The following WBP2 variants were observed in gnomAD, a reference collection of about 807,000 sequenced individuals.
WBP2 encodes the protein WW domain binding protein 2.
Under a neutral mutation model 33.0 loss-of-function variants are expected in WBP2, and 23 were observed. That is an observed-to-expected ratio of 0.70 (90% CI 0.50 to 0.99). The LOEUF (loss-of-function observed/expected upper bound fraction) is 0.99. Among genes scored for constraint, WBP2 ranks in the 50% least tolerant of loss-of-function variants. WBP2 has a pLI of 0.00. For missense variants in WBP2, 353 were observed against 358.0 expected (o/e 0.99, Z 0.11); for synonymous variants, 153 against 133.5 (o/e 1.15, Z -1.01).
chr17:75,855,256 G>T lies in WBP2; in HGVS notation c.42C>A (p.Ile14=). The T allele has an allele frequency of 6.2e-7, 1 of 1,609,222 alleles. No individual in the cohort carries two copies. ...GTTTTCACCTCTCGGTGTTATTGAC[G>T]ATCACTCCGCCGCCCTCCGAGTGAT... The part of the protein sequence containing the change: ...NKNHSEGGGV[I]VNNTESILMS... The change falls in exon 1 of 8, where the codon ATC becomes ATA. Residue 14 remains isoleucine, a synonymous_variant. Coordinates refer to ENST00000254806, the MANE Select transcript of WBP2 (RefSeq NM_012478.4).
chr17:75,852,790 T>C, intron 1 of WBP2: 1 of 985,262 alleles, frequency 1.0e-6, no homozygotes, highest in Non-Finnish European at 1.2e-6. Context: ...TTGTGATAGA[T>C]GTTCTGTTTT....
chr17:75,852,690 C>T (rs1303879736), intron 1 of WBP2: 4 of 514,636 alleles, frequency 7.8e-6, no homozygotes, highest in African/African-American at 2.1e-5. Context: ...CTCCTGACTT[C>T]GTGATCCACC....
intron 1 of WBP2, 166 bp downstream of exon 1, chr17:75,855,073 C>T (rs900863822): frequency 8.0e-6 from 3 of 373,778 alleles, no homozygotes; most frequent in Admixed American, 6.7e-5. Flanking sequence ...GGCTCTCCCC[C>T]ACGGCCCACC....
At chr17:75,847,457 G>C (rs771710452) in intron 6 of WBP2, 30 bp downstream of exon 6, 14 of 1,580,202 alleles carry the variant, frequency 8.9e-6, no homozygotes, top group Non-Finnish European at 1.1e-5. Flanking sequence ...GGCTGGTCCC[G>C]AAGGGCTGCC....
Position 75,847,899 on chromosome 17 carries a change from A to T in WBP2, c.429T>A (p.Tyr143Ter). 1 of 1,561,248 alleles carries T rather than the reference A, an allele frequency of 6.4e-7. No individual in the cohort carries two copies. Among genetic ancestry groups the T allele is most frequent in the Non-Finnish European group, 8.7e-7 (1 of 1,152,608 alleles). The change falls in exon 5 of 8, where the codon TAT (tyrosine) becomes TAA (stop). Residue 143 changes from tyrosine to a stop codon, truncating the protein, a stop_gained. Transcript: ENST00000254806. LOFTEE classifies it high-confidence loss of function. ...CCCCGCTGGGCATGTAAGAGTAGCC[A>T]TAGGCTCCACTGGGGACTTCACCTC... Reference protein sequence around the residue: ...ASRGEVPSGAYGYSYMPSGAY... With the variant: ...ASRGEVPSGA
In WBP2 at chr17:75,849,627, C is replaced by T. The variant is rs2065015792; in HGVS notation, c.281G>A (p.Gly94Glu). 1 of 1,614,010 alleles carries T rather than the reference C, an allele frequency of 6.2e-7. No homozygotes were observed. Among genetic ancestry groups the T allele is most frequent in the African/African-American group, 1.3e-5 (1 of 74,928 alleles). ...ACCTCCCGCTTCCGCCTTCACTGTT[C>T]CCTTGATGTAGTTTGCACCAAATAC... Reference protein sequence around the residue: ...QPVFGANYIKGTVKAEAGGGW... With the variant: ...QPVFGANYIKETVKAEAGGGW... The change falls in exon 3 of 8, where the codon GGA becomes GAA. Residue 94 changes from glycine to glutamate, a missense_variant. Physicochemically the swap from Gly to Glu is moderately conservative, Grantham distance 98. Coordinates refer to ENST00000254806, the MANE Select transcript of WBP2 (RefSeq NM_012478.4).
At chr17:75,853,604 C>G (rs757325887) in intron 1 of WBP2, among the ~76,000 whole-genome samples, 9 of 152,132 alleles carry the variant, frequency 5.9e-5, no homozygotes, top group Non-Finnish European at 1.2e-4. Context: ...TGGGAACTGA[C>G]TCACACACAG....
At chr17:75,851,773 T>A in intron 1 of WBP2, 97 bp from the exon 2 acceptor site, 1 of 872,942 alleles carries the variant, frequency 1.1e-6, no homozygotes, top group Non-Finnish European at 1.9e-6. Flanking sequence ...GCCCGGCACG[T>A]CAGCTCTCAT....
At chr17:75,848,476 T>G in intron 4 of WBP2, 94 bp downstream of exon 4, 1 of 1,236,762 alleles carries the variant, frequency 8.1e-7, no homozygotes, top group Non-Finnish European at 1.2e-6. Context: ...ACCTCTTGAG[T>G]TCTTGAAAAA....
chr17:75,850,535 G>A (rs1376547601), intron 2 of WBP2, among the ~76,000 whole-genome samples: 2 of 152,056 alleles, frequency 1.3e-5, no homozygotes, highest in Non-Finnish European at 2.9e-5. Flanking sequence ...ATGAGCCACC[G>A]CACCCGGCCC....
Position 75,847,916 on chromosome 17 carries a change from C to G in WBP2, c.412G>C (p.Val138Leu). ...GAGTAGCCATAGGCTCCACTGGGGA[C>G]TTCACCTCTGGAGGCTACGAGTACA... ...QVASQASRGE[V>L]PSGAYGYSYM... Residue 138 changes from valine to leucine, a missense_variant, in exon 5 of 8, where the codon GTC becomes CTC. Val to Leu is a conservative substitution (Grantham distance 32, BLOSUM62 1). Transcript: ENST00000254806. 2 of 1,564,086 alleles carry G rather than the reference C, an allele frequency of 1.3e-6. No homozygotes were observed. The highest frequency in any genetic ancestry group is 1.2e-5 in the South Asian group (1 of 85,120).
At chr17:75,852,747 G>A (rs972524688) in intron 1 of WBP2, 94 of 983,310 alleles carry the variant, frequency 9.6e-5, no homozygotes, top group East Asian at 2.3e-4. Flanking sequence ...GAGCCACTGC[G>A]CCCGGCCAAC....
chr17:75,848,046 C>CCTCT, intron 4 of WBP2, 116 bp from the exon 5 acceptor site: 2 of 1,373,340 alleles, frequency 1.5e-6, no homozygotes, highest in South Asian at 2.6e-5. Context: ...CCGCAGACAT[C>CCTCT]CTCTGTCCAT....
intron 4 of WBP2, 83 bp downstream of exon 4, chr17:75,848,487 G>T (rs1268107120): frequency 7.3e-6 from 10 of 1,373,804 alleles, no homozygotes; most frequent in East Asian, 4.9e-5. Flanking sequence ...TCTTGAAAAA[G>T]CAAAACGAAA....
In WBP2 at chr17:75,851,617, T is replaced by C; in HGVS notation, c.119A>G (p.Glu40Gly). The C allele has an allele frequency of 1.2e-6, 2 of 1,613,824 alleles. No individual in the cohort carries two copies. Among genetic ancestry groups the C allele is most frequent in the Non-Finnish European group, 1.7e-6 (2 of 1,179,798 alleles). The change falls in exon 2 of 8, where the codon GAA becomes GGA. Residue 40 changes from glutamate (E) to glycine (G), a missense_variant. Physicochemically the swap from Glu to Gly is moderately conservative, Grantham distance 98. Coordinates refer to ENST00000254806, the MANE Select transcript of WBP2 (RefSeq NM_012478.4). The stretch of plus-strand genomic sequence containing the variant: ...GCCTTTCTTGGTCCCTTTGAAGGCT[T>C]CTGGCACGTTCTTCATGTCATTGAA... ...LTFNDMKNVP[E>G]AFKGTKKGTV...
chr17:75,850,241 TTTTCTTTTC>T (rs1453467030), intron 2 of WBP2, among the ~76,000 whole-genome samples: 1 of 96,518 alleles, frequency 1.0e-5, no homozygotes, highest in Non-Finnish European at 2.2e-5. Context: ...TTATTTTTTC[TTTTCTTTTC>T]TTTTTTTTTT....
rs199897877 is a variant in WBP2, at chr17:75,846,922, C to T, written c.718G>A (p.Val240Ile). 3.8e-5 allele frequency: 61 copies of T among 1,614,116 alleles called. No individual in the cohort carries two copies. Among genetic ancestry groups the T allele is most frequent in the Middle Eastern group, 1.6e-4 (1 of 6,062 alleles). Reference protein sequence around the residue: ...AYYNPGNPHNVYMPTSQPPPP... With the variant: ...AYYNPGNPHNIYMPTSQPPPP... ...AGCCCTCTCACCGTGGGCATGTAGA[C>T]GTTGTGAGGATTGCCTGGGTTGTAA... The change falls in exon 7 of 8, where the codon GTC (valine) becomes ATC (isoleucine). Residue 240 changes from valine to isoleucine, a missense_variant. Val to Ile is a conservative substitution (Grantham distance 29, BLOSUM62 3). Coordinates refer to ENST00000254806, the MANE Select transcript of WBP2 (RefSeq NM_012478.4). This position sits in a 1 kb window ranked among gnomAD's most constrained non-coding sequence, Gnocchi z 4.8.
At chr17:75,852,807 T>C in intron 1 of WBP2, 5 of 985,166 alleles carry the variant, frequency 5.1e-6, no homozygotes, top group Non-Finnish European at 6.0e-6. Flanking sequence ...TTTTTGCTGG[T>C]TTGTTTTTCA....
chr17:75,855,133 T>C (rs1289238655), intron 1 of WBP2, 106 bp downstream of exon 1: 7 of 514,092 alleles, frequency 1.4e-5, no homozygotes, highest in African/African-American at 1.2e-4. Context: ...CCTCACTCCA[T>C]CAGTGCTCCC....
Sources: allele counts gnomAD v4.1 joint callset (sites outside exome capture counted in the v4.1 genomes callset), GRCh38; gene constraint gnomAD v4.1.1; non-coding constraint Gnocchi (gnomAD v3.1); transcripts MANE v1.5; gene names NCBI Gene and HGNC (gene_info 2026-07-23, HGNC 2026-07-21).